Variants in ARHGEF26 observed in about 807,000 individuals in gnomAD.
ARHGEF26 encodes the protein Rho guanine nucleotide exchange factor 26, also known as Rho guanine nucleotide exchange factor (GEF) 26.
Under a neutral mutation model 89.4 loss-of-function variants are expected in ARHGEF26, and 59 were observed. That is an observed-to-expected ratio of 0.66 (90% confidence interval 0.54 to 0.82). The LOEUF (loss-of-function observed/expected upper bound fraction) is 0.82. ARHGEF26 is among the 40% of genes least tolerant of loss of function. The pLI is 0.00. For synonymous variants in ARHGEF26, 500 were observed against 428.4 expected, an observed-to-expected ratio of 1.17 and a Z score of -2.06; for missense variants, 1,234 against 1,085.6, an observed-to-expected ratio of 1.14 and a Z score of -1.92.
At chr3:154,135,469 G>A (rs1391456275) in intron 4 of ARHGEF26, among the ~76,000 whole-genome samples, 1 of 152,036 alleles carries the variant, frequency 6.6e-6, no homozygotes, top group African/African-American at 2.4e-5. Flanking sequence ...TCCCAGTTTG[G>A]GTTGGTCAAA....
intron 6 of ARHGEF26, among the ~76,000 whole-genome samples, chr3:154,156,761 A>G (rs1179008616): frequency 6.6e-6 from 1 of 152,214 alleles, no homozygotes; most frequent in East Asian, 1.9e-4. Flanking sequence ...TTAATGTATT[A>G]CTCATGAAAG....
At chr3:154,205,024 G>A (rs415062) in intron 9 of ARHGEF26, among the ~76,000 whole-genome samples, 105,335 of 151,982 alleles carry the variant, frequency 0.69, 36,691 homozygotes, top group East Asian at 0.87. Flanking sequence ...GATCCATTTG[G>A]TCTATAGTGC....
At chr3:154,136,342 G>T (rs940295950) in intron 4 of ARHGEF26, among the ~76,000 whole-genome samples, 1 of 66,716 alleles carries the variant, frequency 1.5e-5, no homozygotes, top group Non-Finnish European at 3.6e-5. Flanking sequence ...GTATTTTTCA[G>T]CTCTGTGCTA....
chr3:154,228,791 A>G (rs1361373331), intron 11 of ARHGEF26, among the ~76,000 whole-genome samples: 1 of 152,172 alleles, frequency 6.6e-6, no homozygotes, highest in Non-Finnish European at 1.5e-5. Context: ...AGATACAACA[A>G]CCCTGAACAA....
intron 6 of ARHGEF26, among the ~76,000 whole-genome samples, chr3:154,176,808 A>G (rs1712848068): frequency 6.6e-6 from 1 of 152,186 alleles, no homozygotes; most frequent in Non-Finnish European, 1.5e-5. Context: ...TTAAAAAAAT[A>G]CATATATATA....
chr3:154,151,426 A>G lies in ARHGEF26; in HGVS notation c.1327-1346A>G, dbSNP rs1192984333. On this transcript the variant is annotated intron_variant, in intron 5 of 14. Transcript: ENST00000465093. The stretch of plus-strand genomic sequence containing the variant: ...AGTGAAAAATGTCTTTGCTGTTGCA[A>G]ATATTTTAAGTAATTCCAAGGCATC... Among the ~76,000 whole-genome samples, 7 of 152,306 alleles carry G rather than the reference A, an allele frequency of 4.6e-5. No individual in the cohort carries two copies. In the South Asian group the frequency reaches 8.3e-4, roughly 18 times the overall value.
intron 4 of ARHGEF26, among the ~76,000 whole-genome samples, chr3:154,137,452 C>T (rs1719079280): frequency 6.6e-6 from 1 of 152,044 alleles, no homozygotes; most frequent in Admixed American, 6.6e-5. Flanking sequence ...TATAAATTAC[C>T]CAATTTCAGG....
At chr3:154,128,617 C>T (rs1718480472) in intron 3 of ARHGEF26, among the ~76,000 whole-genome samples, 1 of 152,186 alleles carries the variant, frequency 6.6e-6, no homozygotes, top group East Asian at 1.9e-4. Context: ...GCTCTTGGTA[C>T]ATACAGACAT....
chr3:154,241,902 A>AGT (rs1717503192), intron 12 of ARHGEF26, among the ~76,000 whole-genome samples: 1 of 152,240 alleles, frequency 6.6e-6, no homozygotes, highest in Admixed American at 6.5e-5. Context: ...AAATTGACTT[A>AGT]GTAGGGTTCT....
At chr3:154,191,554 T>G in intron 8 of ARHGEF26, 136 bp downstream of exon 8, 1 of 1,097,898 alleles carries the variant, frequency 9.1e-7, no homozygotes, top group Non-Finnish European at 1.2e-6. Context: ...GAGAAGGTGT[T>G]GTTTGTTCAG....
intron 4 of ARHGEF26, among the ~76,000 whole-genome samples, chr3:154,136,495 A>G (rs1366163027): frequency 9.2e-5 from 14 of 152,136 alleles, no homozygotes; most frequent in Admixed American, 9.2e-4. Flanking sequence ...AAAAGCAGGA[A>G]TTTTATTATA....
In ARHGEF26 at chr3:154,122,048, G is replaced by T. The variant is rs563109480; in HGVS notation, c.56G>T (p.Arg19Leu). 13 of 1,611,500 alleles carry T rather than the reference G, an allele frequency of 8.1e-6. No individual in the cohort carries two copies. The Admixed American group carries it at 1.8e-4, about 23-fold the overall frequency. Residue 19 changes from arginine to leucine, a missense_variant, in exon 2 of 15, where the codon CGG (arginine) becomes CTG (leucine). Arg to Leu is a moderately radical substitution (Grantham distance 102). Coordinates refer to ENST00000465093, the MANE Select transcript of ARHGEF26 (RefSeq NM_015595.4). ...AGCAACAGCATAACCCCTTTGTGGC[G>T]GAGGCGGTCGATTCCTCAGCCCCAC... ...FSSNSITPLW[R>L]RRSIPQPHQV...
At position 154,256,622 on chromosome 3, in the gene ARHGEF26, T is replaced by TTCAATAATACCTA. The variant is rs1409300284; in HGVS notation, c.*1150_*1162dup. The stretch of plus-strand genomic sequence containing the variant: ...AAAACTGACGTGAGGCTGCTTTGCC[T>TTCAATAATACCTA]TCAATAATACCTAGTTTTCAGCTGT... On this transcript the variant is annotated 3_prime_UTR_variant, in exon 15 of 15. Coordinates refer to ENST00000465093, the MANE Select transcript of ARHGEF26 (RefSeq NM_015595.4). 1 of 1,106,876 alleles carries TTCAATAATACCTA rather than the reference T, an allele frequency of 9.0e-7. No individual in the cohort carries two copies. The highest frequency in any genetic ancestry group is 1.1e-6 in the Non-Finnish European group (1 of 910,988). The allele number at this position is 1,106,876 out of a possible 1,614,324, so 68.6% of individuals were successfully genotyped here. A position where few individuals can be genotyped will look rare whatever the true frequency, so the allele number is the denominator to read the frequency against.
At chr3:154,166,787 G>A (rs1247078584) in intron 6 of ARHGEF26, among the ~76,000 whole-genome samples, 4 of 152,116 alleles carry the variant, frequency 2.6e-5, no homozygotes, top group East Asian at 1.9e-4. Context: ...GAGAGGGTCC[G>A]CCTACAACCA....
intron 6 of ARHGEF26, among the ~76,000 whole-genome samples, chr3:154,178,375 C>T (rs2108155701): frequency 6.6e-6 from 1 of 152,246 alleles, no homozygotes; most frequent in East Asian, 1.9e-4. Context: ...AAATGCCCTA[C>T]CCATTAGCGC....
At chr3:154,167,808 C>T (rs1045410159) in intron 6 of ARHGEF26, among the ~76,000 whole-genome samples, 7 of 152,124 alleles carry the variant, frequency 4.6e-5, no homozygotes, top group South Asian at 2.1e-4. Flanking sequence ...ATTTAGCTTA[C>T]GGAAAAGTCA....
At chr3:154,215,872 T>C (rs1030832128) in intron 9 of ARHGEF26, among the ~76,000 whole-genome samples, 5 of 152,026 alleles carry the variant, frequency 3.3e-5, no homozygotes, top group Non-Finnish European at 7.4e-5. Flanking sequence ...GATTTCAACA[T>C]GAATATGGGG....
At chr3:154,240,713 T>C (rs1717437432) in intron 12 of ARHGEF26, 134 bp downstream of exon 12, 1 of 689,326 alleles carries the variant, frequency 1.5e-6, no homozygotes, top group South Asian at 2.1e-5. Context: ...CGCTAAGCAC[T>C]ATGACTGGGT....
intron 11 of ARHGEF26, among the ~76,000 whole-genome samples, chr3:154,237,388 A>G (rs1167906345): frequency 6.6e-6 from 1 of 152,072 alleles, no homozygotes; most frequent in African/African-American, 2.4e-5. Flanking sequence ...CTAAAAATAC[A>G]AAAATTAACC....
Sources: gnomAD v4.1 joint callset for allele counts (sites outside exome capture counted in the v4.1 genomes callset) on GRCh38, gnomAD v4.1.1 for gene constraint, MANE v1.5 for transcripts, NCBI Gene and HGNC (gene_info 2026-07-23, HGNC 2026-07-21) for gene names.